The following PPM1L variants were observed in gnomAD, a reference collection of about 807,000 sequenced individuals.
PPM1L encodes protein phosphatase, Mg2+/Mn2+ dependent 1L, also known as protein phosphatase 1L.
PPM1L carries 13 observed loss-of-function variants against 31.4 expected under a neutral mutation model. The ratio of observed to expected loss-of-function variants is 0.41; its 90% confidence interval spans 0.27 to 0.66. PPM1L has a LOEUF of 0.66. Ranked by LOEUF, PPM1L falls within the 30% of genes least tolerant of loss-of-function variation. The probability of loss-of-function intolerance (pLI) is 0.29; values close to 1 mark genes in which losing one functional copy is unlikely to be tolerated. For synonymous variants in PPM1L, 184 were observed against 175.4 expected (o/e 1.05, Z -0.39); for missense variants, 326 against 453.7 (o/e 0.72, Z 2.56).
chr3:160,770,274 A>G (rs1294040572), intron 1 of PPM1L, among the ~76,000 whole-genome samples: 3 of 152,128 alleles, frequency 2.0e-5, no homozygotes, highest in Non-Finnish European at 2.9e-5. Flanking sequence ...ATTAACTAGA[A>G]CTAACAGAAC....
At position 160,822,875 on chromosome 3, in the gene PPM1L, TGAATAA is replaced by T. The variant is rs1713243620; in HGVS notation, c.399+66174_399+66179del. ...AATTGGATGTGAAATTAAGAAAAGT[TGAATAA>T]GAATATCTAAAAGGAAGAGCTAGTT... On this transcript the variant is annotated intron_variant, in intron 1 of 3. Transcript: ENST00000498165. Among the ~76,000 whole-genome samples, 3 of 151,968 alleles carry T rather than the reference TGAATAA, an allele frequency of 2.0e-5. No homozygotes were observed. The South Asian group carries it at 6.2e-4, about 32-fold the overall frequency.
intron 1 of PPM1L, among the ~76,000 whole-genome samples, chr3:160,834,512 T>G (rs1025413984): frequency 7.9e-4 from 115 of 146,298 alleles, no homozygotes; most frequent in African/African-American, 2.7e-3. Flanking sequence ...TGTGTGTGTG[T>G]GGTTGTGTGT....
chr3:160,783,548 C>T (rs1173488224), intron 1 of PPM1L, among the ~76,000 whole-genome samples: 3 of 145,852 alleles, frequency 2.1e-5, no homozygotes, highest in Non-Finnish European at 4.5e-5. Flanking sequence ...TGCAGTGAGC[C>T]GAGATCTCAC....
intron 2 of PPM1L, among the ~76,000 whole-genome samples, chr3:160,988,892 G>A (rs373492718): frequency 6.6e-6 from 1 of 152,066 alleles, no homozygotes; most frequent in Non-Finnish European, 1.5e-5. Flanking sequence ...CTAGTTCTGT[G>A]GTTCTCATGA....
chr3:160,961,277 A>G (rs1430019517), intron 1 of PPM1L, among the ~76,000 whole-genome samples: 4 of 152,172 alleles, frequency 2.6e-5, no homozygotes, highest in African/African-American at 9.7e-5. Context: ...AATTCACTTT[A>G]CAAGAGTTCT....
At chr3:160,905,291 G>C (rs998026315) in intron 1 of PPM1L, among the ~76,000 whole-genome samples, 1 of 152,010 alleles carries the variant, frequency 6.6e-6, no homozygotes, top group African/African-American at 2.4e-5. Context: ...TCTAATTATA[G>C]AGAGCATATT....
chr3:160,788,693 A>G (rs955400056), intron 1 of PPM1L, among the ~76,000 whole-genome samples: 1 of 152,060 alleles, frequency 6.6e-6, no homozygotes, highest in Non-Finnish European at 1.5e-5. Context: ...TAGTATTTTA[A>G]TGGATTCATT....
chr3:160,863,145 T>A (rs1711964503), intron 1 of PPM1L, among the ~76,000 whole-genome samples: 1 of 152,198 alleles, frequency 6.6e-6, no homozygotes, highest in South Asian at 2.1e-4. Flanking sequence ...TTGTCATATA[T>A]ATGACAAATA....
Position 160,884,049 on chromosome 3 carries a change from G to A in PPM1L, c.400-77687G>A, listed in dbSNP as rs143177466. Among the ~76,000 whole-genome samples the A allele has an allele frequency of 7.9e-5, 12 of 152,010 alleles. No individual in the cohort carries two copies. The East Asian group carries it at 9.7e-4, about 12-fold the overall frequency. Reference sequence around the variant, plus strand: ...TGAGCCACTGCACTCCAGCCTGGGAGACAGAGTGAGACCCTGTCTCAAAAA... The same window carrying A: ...TGAGCCACTGCACTCCAGCCTGGGAAACAGAGTGAGACCCTGTCTCAAAAA... On this transcript the variant is annotated intron_variant, in intron 1 of 3. Transcript: ENST00000498165.
intron 1 of PPM1L, among the ~76,000 whole-genome samples, chr3:160,843,731 C>T (rs543029396): frequency 6.6e-6 from 1 of 151,812 alleles, no homozygotes; most frequent in South Asian, 2.1e-4. Flanking sequence ...GGCGATTCCT[C>T]AGGGATCTAG....
chr3:160,815,862 T>C (rs1407906708), intron 1 of PPM1L, among the ~76,000 whole-genome samples: 1 of 152,218 alleles, frequency 6.6e-6, no homozygotes, highest in East Asian at 1.9e-4. Flanking sequence ...TCCAGTTCTC[T>C]GGACTGGTAC....
At chr3:160,890,639 T>C (rs965180006) in intron 1 of PPM1L, among the ~76,000 whole-genome samples, 1 of 152,166 alleles carries the variant, frequency 6.6e-6, no homozygotes, top group Non-Finnish European at 1.5e-5. Context: ...TTAAATTTCA[T>C]GTGGAATCAA....
intron 1 of PPM1L, among the ~76,000 whole-genome samples, chr3:160,862,701 CACAA>C (rs199885586): frequency 0.013 from 1,825 of 136,438 alleles, 40 homozygotes; most frequent in African/African-American, 0.052. Flanking sequence ...CACACACACA[CACAA>C]AATTCTGAAA....
intron 1 of PPM1L, among the ~76,000 whole-genome samples, chr3:160,895,253 C>T (rs1204257479): frequency 6.6e-6 from 1 of 152,164 alleles, no homozygotes; most frequent in Non-Finnish European, 1.5e-5. Flanking sequence ...CATTCTGTTA[C>T]CCAGGCTGGG....
chr3:160,767,314 A>C (rs1715129292), intron 1 of PPM1L, among the ~76,000 whole-genome samples: 1 of 151,810 alleles, frequency 6.6e-6, no homozygotes, highest in African/African-American at 2.4e-5. Flanking sequence ...GTTCACTGCA[A>C]ACTCCACCTC....
At chr3:160,959,071 G>T (rs1376792866) in intron 1 of PPM1L, among the ~76,000 whole-genome samples, 1 of 152,172 alleles carries the variant, frequency 6.6e-6, no homozygotes, top group Non-Finnish European at 1.5e-5. Context: ...CCAACAAGTG[G>T]ATAAAGAAAA....
intron 1 of PPM1L, among the ~76,000 whole-genome samples, chr3:160,808,289 C>CTGTGTGTGTGTGTGTGTGTGTGTG (rs10545216): frequency 7.3e-6 from 1 of 136,128 alleles, no homozygotes; most frequent in African/African-American, 3.0e-5. Context: ...GGATTTTCCT[C>CTGTGTGTGTGTGTGTGTGTGTGTG]TGTGTGTGTG....
chr3:160,847,926 A>G (rs978026697), intron 1 of PPM1L, among the ~76,000 whole-genome samples: 1 of 152,078 alleles, frequency 6.6e-6, no homozygotes, highest in African/African-American at 2.4e-5. Context: ...TATGTTCCCT[A>G]GGCATTGTGT....
intron 1 of PPM1L, among the ~76,000 whole-genome samples, chr3:160,776,665 A>G (rs1422851577): frequency 6.7e-6 from 1 of 150,054 alleles, no homozygotes; most frequent in African/African-American, 2.5e-5. Flanking sequence ...GTGCAGTGGC[A>G]AGATCTCAGC....
Sources: gnomAD v4.1 joint callset for allele counts (sites outside exome capture counted in the v4.1 genomes callset) on GRCh38, gnomAD v4.1.1 for gene constraint, MANE v1.5 for transcripts, NCBI Gene and HGNC (gene_info 2026-07-23, HGNC 2026-07-21) for gene names.